The following CHORDC1 variants were observed in gnomAD, a reference collection of about 807,000 sequenced individuals.
CHORDC1 encodes cysteine and histidine rich domain containing 1.
Under a neutral mutation model 48.3 loss-of-function variants are expected in CHORDC1, and 25 were observed. The ratio of observed to expected loss-of-function variants is 0.52; its 90% CI spans 0.38 to 0.72. The LOEUF (loss-of-function observed/expected upper bound fraction) is 0.72, where lower values mean the gene tolerates loss of function less well. Among genes scored for constraint, CHORDC1 ranks in the 30% least tolerant of loss-of-function variants. The pLI is 0.00. For synonymous variants in CHORDC1, 128 were observed against 126.4 expected (o/e 1.01, Z -0.09); for missense variants, 317 against 388.7 (o/e 0.82, Z 1.55).
chr11:90,205,646 T>A (rs1355984109), intron 7 of CHORDC1, 81 bp from the exon 8 acceptor site: 2 of 868,738 alleles, frequency 2.3e-6, no homozygotes, highest in Admixed American at 2.6e-5. Context: ...ATAAATCTGA[T>A]TTTTAATAAG....
chr11:90,213,379 C>T, intron 4 of CHORDC1: 1 of 688,818 alleles, frequency 1.5e-6, no homozygotes, highest in Non-Finnish European at 2.6e-6. Context: ...CTGTAGTTTG[C>T]TTCTAAAACA....
chr11:90,213,543 T>G (rs889283201), intron 4 of CHORDC1: 19 of 544,270 alleles, frequency 3.5e-5, no homozygotes, highest in African/African-American at 3.4e-4. Flanking sequence ...TAAGACTACT[T>G]TCACAAATAT....
intron 6 of CHORDC1, chr11:90,207,123 T>A: frequency 4.8e-6 from 1 of 207,114 alleles, no homozygotes; most frequent in South Asian, 7.3e-5. Context: ...CTCTTCAGCA[T>A]CTCCTCTCCC....
chr11:90,215,690 T>C (rs1272904663), intron 2 of CHORDC1, among the ~76,000 whole-genome samples: 1 of 152,060 alleles, frequency 6.6e-6, no homozygotes, highest in Non-Finnish European at 1.5e-5. Context: ...CAAAGATTAA[T>C]TAACACAGCA....
chr11:90,218,131 CT>C lies in CHORDC1; in HGVS notation c.114+3del. The C allele has an allele frequency of 6.4e-7, 1 of 1,567,336 alleles. No homozygotes were observed. On this transcript the variant is annotated splice_donor_region_variant and intron_variant, in intron 2 of 10. Coordinates refer to ENST00000320585, the MANE Select transcript of CHORDC1 (RefSeq NM_012124.3). ...TATGAAAAAAATGAAAATATAGTTC[CT>C]ACCTTTAATGCATCGTGAAAGACCG...
At chr11:90,218,813 G>A (rs1005094901) in intron 1 of CHORDC1, among the ~76,000 whole-genome samples, 2 of 152,012 alleles carry the variant, frequency 1.3e-5, no homozygotes, top group Admixed American at 1.3e-4. Flanking sequence ...GAGTGCCTCT[G>A]CCTGGCGGCA....
intron 2 of CHORDC1, among the ~76,000 whole-genome samples, chr11:90,216,837 G>A (rs974017234): frequency 5.9e-5 from 9 of 152,104 alleles, no homozygotes; most frequent in East Asian, 1.9e-4. Flanking sequence ...AAGAGCCATC[G>A]GCGTAGAGGT....
intron 6 of CHORDC1, chr11:90,208,843 C>G (rs1052671791): frequency 4.6e-5 from 7 of 152,096 alleles, no homozygotes; most frequent in African/African-American, 1.7e-4. Flanking sequence ...CTAAAAAATT[C>G]TTCAATTTCA....
chr11:90,200,839 C>A lies in CHORDC1; in HGVS notation c.*1566G>T, dbSNP rs1194280780. ...TACCTTTAATCAAACTAATTATCAA[C>A]CTTTCCCCCAACCCATAAAGACTTC... On this transcript the variant is annotated 3_prime_UTR_variant, in exon 11 of 11. Transcript: ENST00000320585. Among the ~76,000 whole-genome samples, 1 of 151,954 alleles carries A rather than the reference C, an allele frequency of 6.6e-6. No homozygotes were observed. The highest frequency in any genetic ancestry group is 1.9e-4 in the East Asian group (1 of 5,198).
At chr11:90,221,148 C>T (rs1263545943) in intron 1 of CHORDC1, among the ~76,000 whole-genome samples, 1 of 151,992 alleles carries the variant, frequency 6.6e-6, no homozygotes, top group African/African-American at 2.4e-5. Flanking sequence ...GATCCAACAT[C>T]TGGCTTACGC....
chr11:90,217,745 C>CA (rs1342170637), intron 2 of CHORDC1: 1 of 153,776 alleles, frequency 6.5e-6, no homozygotes. Context: ...ACTAAAAATA[C>CA]AAAAATTAGC....
At chr11:90,205,720 A>T (rs527683958) in intron 7 of CHORDC1, 155 bp from the exon 8 acceptor site, 2 of 590,656 alleles carry the variant, frequency 3.4e-6, no homozygotes, top group East Asian at 5.9e-5. Flanking sequence ...AATGTACAGT[A>T]TATCAGGAAG....
intron 6 of CHORDC1, chr11:90,208,722 A>C (rs1363508737): frequency 6.6e-6 from 1 of 152,198 alleles, no homozygotes; most frequent in Non-Finnish European, 1.5e-5. Context: ...AAAACACATA[A>C]GGAGTGCTCT....
At chr11:90,206,120 T>C (rs976653408) in intron 7 of CHORDC1, 82 bp downstream of exon 7, 3 of 866,902 alleles carry the variant, frequency 3.5e-6, no homozygotes, top group East Asian at 4.9e-5. Context: ...TAACACTGCA[T>C]GGCAAACAAT....
intron 3 of CHORDC1, among the ~76,000 whole-genome samples, 167 bp from the exon 4 acceptor site, chr11:90,214,342 T>G (rs1402264905): frequency 6.6e-6 from 1 of 152,192 alleles, no homozygotes; most frequent in African/African-American, 2.4e-5. Flanking sequence ...CCATATTTGC[T>G]GAATCTCTGA....
Position 90,222,979 on chromosome 11 carries a change from AG to A in CHORDC1, c.-26del. The stretch of plus-strand genomic sequence containing the variant: ...TTTTCTTTTCCCACCGTCACAGGCA[AG>A]GCCCAAACACCGGGAACGGCAAGAG... On this transcript the variant is annotated 5_prime_UTR_variant, in exon 1 of 11. Coordinates refer to ENST00000320585, the MANE Select transcript of CHORDC1 (RefSeq NM_012124.3). 2 of 1,602,514 alleles carry A rather than the reference AG, an allele frequency of 1.2e-6. No individual in the cohort carries two copies. Among genetic ancestry groups the A allele is most frequent in the Admixed American group, 3.3e-5 (2 of 59,948 alleles).
At chr11:90,219,276 CAAAA>C (rs1230407009) in intron 1 of CHORDC1, among the ~76,000 whole-genome samples, 3 of 151,736 alleles carry the variant, frequency 2.0e-5, no homozygotes, top group Non-Finnish European at 2.9e-5. Flanking sequence ...AAAAAACAAA[CAAAA>C]AAAACTCTCA....
intron 8 of CHORDC1, among the ~76,000 whole-genome samples, chr11:90,203,844 A>C (rs1456266343): frequency 6.6e-6 from 1 of 152,194 alleles, no homozygotes; most frequent in African/African-American, 2.4e-5. Flanking sequence ...AACCTCATGC[A>C]CTAGAAACCT....
chr11:90,222,539 T>G (rs1202599706), intron 1 of CHORDC1: 1 of 487,516 alleles, frequency 2.1e-6, no homozygotes, highest in East Asian at 5.3e-5. Flanking sequence ...CTCGTTAATT[T>G]TTGCTTCCCC....
Sources: gnomAD v4.1 joint callset for allele counts (sites outside exome capture counted in the v4.1 genomes callset) on GRCh38, gnomAD v4.1.1 for gene constraint, MANE v1.5 for transcripts, NCBI Gene and HGNC (gene_info 2026-07-23, HGNC 2026-07-21) for gene names.